Variants in ARHGAP6 observed in about 807,000 individuals in gnomAD.
ARHGAP6 encodes rho GTPase-activating protein 6.
ARHGAP6 carries 16 observed loss-of-function variants against 55.7 expected under a neutral mutation model. The ratio of observed to expected loss-of-function variants is 0.29; its 90% CI spans 0.19 to 0.44. The LOEUF (loss-of-function observed/expected upper bound fraction) is 0.44, where lower values mean the gene tolerates loss of function less well. Among genes scored for constraint, ARHGAP6 ranks in the 20% least tolerant of loss-of-function variants. The pLI, the probability that ARHGAP6 is intolerant of heterozygous loss-of-function variation, is 1.00. For missense variants in ARHGAP6, 698 were observed against 808.9 expected, an observed-to-expected ratio of 0.86 and a Z score of 1.66; for synonymous variants, 382 against 360.9, an observed-to-expected ratio of 1.06 and a Z score of -0.66.
intron 1 of ARHGAP6, among the ~76,000 whole-genome samples, chrX:11,376,515 C>A (rs186158561): frequency 7.3e-4 from 82 of 112,891 alleles, no homozygotes; most frequent in Middle Eastern, 9.4e-3. Context: ...CAGGGATCTG[C>A]CCCTGGAGCC....
In ARHGAP6 at chrX:11,362,189, T is replaced by C. The variant is rs756637449; in HGVS notation, c.589-107482A>G. Reference sequence around the variant, plus strand: ...CAAAGGACTATAAATCATGCTGTTATAAAGACACATGCACACGTATGTTTA... The same window carrying C: ...CAAAGGACTATAAATCATGCTGTTACAAAGACACATGCACACGTATGTTTA... On this transcript the variant is annotated intron_variant, in intron 1 of 12. Coordinates refer to ENST00000337414, the MANE Select transcript of ARHGAP6 (RefSeq NM_013427.3). Among the ~76,000 whole-genome samples, 9 of 111,819 alleles carry C rather than the reference T, an allele frequency of 8.0e-5. No individual in the cohort carries two copies. The South Asian group carries it at 3.4e-3, about 42-fold the overall frequency.
At chrX:11,661,971 G>T (rs1454763454) in intron 1 of ARHGAP6, among the ~76,000 whole-genome samples, 2 of 112,233 alleles carry the variant, frequency 1.8e-5, no homozygotes, top group Non-Finnish European at 3.8e-5. Flanking sequence ...ACCCAGGACA[G>T]CTCTGTAGCA....
At chrX:11,286,539 C>G (rs2047923880) in intron 1 of ARHGAP6, among the ~76,000 whole-genome samples, 1 of 111,157 alleles carries the variant, frequency 9.0e-6, no homozygotes, top group African/African-American at 3.3e-5. Context: ...CTTTATACAC[C>G]CCTACACCCA....
intron 1 of ARHGAP6, among the ~76,000 whole-genome samples, chrX:11,511,967 C>T (rs1428259577): frequency 4.5e-5 from 5 of 111,223 alleles, no homozygotes; most frequent in African/African-American, 1.6e-4. Context: ...GCTGGGACTA[C>T]AGGTGCCTGC....
intron 1 of ARHGAP6, among the ~76,000 whole-genome samples, chrX:11,547,990 G>A (rs955998219): frequency 5.4e-5 from 6 of 110,916 alleles, no homozygotes; most frequent in African/African-American, 1.6e-4. Context: ...CTTAGTGCTG[G>A]TTCCCACTCT....
chrX:11,579,516 A>G (rs1316460966), intron 1 of ARHGAP6, among the ~76,000 whole-genome samples: 2 of 112,330 alleles, frequency 1.8e-5, no homozygotes, highest in African/African-American at 6.5e-5. Flanking sequence ...TTAATTATTA[A>G]AAGTTGCCAG....
chrX:11,515,058 T>G (rs2050824318), intron 1 of ARHGAP6, among the ~76,000 whole-genome samples: 1 of 111,632 alleles, frequency 9.0e-6, no homozygotes, highest in African/African-American at 3.3e-5. Context: ...GAGCACAACG[T>G]TGAAAAAGCG....
intron 4 of ARHGAP6, among the ~76,000 whole-genome samples, chrX:11,188,120 A>G (rs1344416630): frequency 8.9e-6 from 1 of 112,293 alleles, no homozygotes. Flanking sequence ...AGAGATGCTT[A>G]TCAACTGACT....
chrX:11,621,351 TCAAAA>T (rs1458382778), intron 1 of ARHGAP6, among the ~76,000 whole-genome samples: 2 of 111,772 alleles, frequency 1.8e-5, no homozygotes, highest in African/African-American at 6.5e-5. Context: ...GACAAAGACT[TCAAAA>T]CAAGCATGTT....
At chrX:11,351,833 C>T (rs1237402007) in intron 1 of ARHGAP6, among the ~76,000 whole-genome samples, 1 of 111,884 alleles carries the variant, frequency 8.9e-6, no homozygotes, top group Non-Finnish European at 1.9e-5. Flanking sequence ...TGGGAAAATT[C>T]CTACCGAGGC....
chrX:11,417,291 A>G (rs1313608621), intron 1 of ARHGAP6, among the ~76,000 whole-genome samples: 1 of 106,451 alleles, frequency 9.4e-6, no homozygotes, highest in African/African-American at 3.5e-5. Context: ...GTGTCATCTT[A>G]TGGAGACAGT....
intron 1 of ARHGAP6, among the ~76,000 whole-genome samples, chrX:11,515,871 G>A (rs761619578): frequency 8.9e-6 from 1 of 112,787 alleles, no homozygotes; most frequent in Non-Finnish European, 1.9e-5. Flanking sequence ...AAAAAGTGAA[G>A]ACTAAATTAC....
chrX:11,192,611 A>G (rs1217961808), intron 3 of ARHGAP6, among the ~76,000 whole-genome samples: 2 of 112,686 alleles, frequency 1.8e-5, no homozygotes, highest in Non-Finnish European at 3.7e-5. Context: ...TGTATGAGCT[A>G]TTTGTATATA....
At chrX:11,485,014 G>A (rs1244418616) in intron 1 of ARHGAP6, among the ~76,000 whole-genome samples, 1 of 108,380 alleles carries the variant, frequency 9.2e-6, no homozygotes. Context: ...CACTGAGAAT[G>A]GAAAACAAAC....
intron 1 of ARHGAP6, among the ~76,000 whole-genome samples, chrX:11,434,396 A>G (rs2049968362): frequency 9.0e-6 from 1 of 111,395 alleles, no homozygotes; most frequent in Non-Finnish European, 1.9e-5. Context: ...ATCGTTGAAG[A>G]CCCATACACA....
At chrX:11,651,944 A>C (rs1332461135) in intron 1 of ARHGAP6, among the ~76,000 whole-genome samples, 1 of 112,354 alleles carries the variant, frequency 8.9e-6, no homozygotes, top group Non-Finnish European at 1.9e-5. Context: ...TTCTTTTGAA[A>C]AGTGTCTGTT....
At chrX:11,167,967 C>G (rs2046038450) in intron 9 of ARHGAP6, among the ~76,000 whole-genome samples, 1 of 111,983 alleles carries the variant, frequency 8.9e-6, no homozygotes, top group South Asian at 3.8e-4. Flanking sequence ...CAAACAGGAA[C>G]AAGATGCCAT....
chrX:11,664,640 G>C lies in ARHGAP6; in HGVS notation c.189C>G (p.Gly63=), dbSNP rs1457627702. 8.6e-7 allele frequency: 1 copy of C among 1,156,565 alleles called. No homozygotes were observed. The highest frequency in any genetic ancestry group is 1.2e-6 in the Non-Finnish European group (1 of 868,970). The change falls in exon 1 of 13, where the codon GGC becomes GGG. Residue 63 remains glycine, a synonymous_variant. Transcript: ENST00000337414. Reference sequence around the variant, plus strand: ...CTGGGAGTGATGGGGAGTAGAGGCGGCCCGCCGTGGCTCCCCGCGCACTGC... The same window carrying C: ...CTGGGAGTGATGGGGAGTAGAGGCGCCCCGCCGTGGCTCCCCGCGCACTGC... ...AEGSARGATA[G]RLYSPSLPAE...
intron 1 of ARHGAP6, among the ~76,000 whole-genome samples, chrX:11,512,818 T>C (rs746773276): frequency 9.0e-6 from 1 of 111,594 alleles, no homozygotes; most frequent in South Asian, 3.8e-4. Context: ...TGACTGCACA[T>C]GCATAAGAAA....
Sources: gnomAD v4.1 joint callset for allele counts (sites outside exome capture counted in the v4.1 genomes callset) on GRCh38, gnomAD v4.1.1 for gene constraint, MANE v1.5 for transcripts, NCBI Gene and HGNC (gene_info 2026-07-23, HGNC 2026-07-21) for gene names.